Variants in NCOA1 observed in about 807,000 individuals in gnomAD.
NCOA1 encodes Hin-2 protein.
A neutral mutation model predicts 150.9 loss-of-function variants in NCOA1; 35 were observed. That is an observed-to-expected ratio of 0.23 (90% CI 0.18 to 0.31). NCOA1 has a LOEUF of 0.31. Among genes scored for constraint, NCOA1 ranks in the 10% least tolerant of loss-of-function variants. The pLI, the probability that NCOA1 is intolerant of heterozygous loss-of-function variation, is 1.00. For missense variants in NCOA1, 1,491 were observed against 1,749.3 expected (o/e 0.85, Z 2.63); for synonymous variants, 590 against 630.0 (o/e 0.94, Z 0.95).
intron 1 of NCOA1, among the ~76,000 whole-genome samples, chr2:24,552,581 G>A (rs1368502316): frequency 6.6e-6 from 1 of 151,162 alleles, no homozygotes; most frequent in African/African-American, 2.4e-5. Flanking sequence ...TAGCCAGGAT[G>A]GCCTTGATCT....
intron 13 of NCOA1, among the ~76,000 whole-genome samples, chr2:24,709,126 T>A (rs1372152774): frequency 1.3e-5 from 2 of 152,220 alleles, no homozygotes; most frequent in African/African-American, 4.8e-5. Context: ...AACTAATTTT[T>A]AAGCAGAAAA....
chr2:24,507,278 G>T (rs1572359575), intron 1 of NCOA1, among the ~76,000 whole-genome samples: 1 of 152,066 alleles, frequency 6.6e-6, no homozygotes, highest in Admixed American at 6.6e-5. Context: ...TAGTTGTTGT[G>T]TTACTTAACC....
At chr2:24,706,031 A>G (rs2148592076) in intron 12 of NCOA1, among the ~76,000 whole-genome samples, 1 of 152,244 alleles carries the variant, frequency 6.6e-6, no homozygotes, top group South Asian at 2.1e-4. Flanking sequence ...CTTTCAAAAC[A>G]TCTGCTATGT....
chr2:24,504,523 C>T (rs554608590), intron 1 of NCOA1, among the ~76,000 whole-genome samples: 3 of 152,242 alleles, frequency 2.0e-5, no homozygotes, highest in African/African-American at 7.2e-5. Context: ...AATTGGTAGA[C>T]CCTGCTTGGA....
intron 1 of NCOA1, among the ~76,000 whole-genome samples, chr2:24,520,404 G>A (rs1664370728): frequency 6.6e-6 from 1 of 152,168 alleles, no homozygotes; most frequent in Non-Finnish European, 1.5e-5. Flanking sequence ...AAATGGAATA[G>A]TACTCATCAA....
chr2:24,514,230 G>A (rs1393924164), intron 1 of NCOA1, among the ~76,000 whole-genome samples: 1 of 136,544 alleles, frequency 7.3e-6, no homozygotes, highest in Non-Finnish European at 1.5e-5. Context: ...AGGTTGCAGT[G>A]AGCTGAGATC....
chr2:24,586,883 A>G (rs1558815347), intron 3 of NCOA1, among the ~76,000 whole-genome samples: 1 of 152,124 alleles, frequency 6.6e-6, no homozygotes, highest in Non-Finnish European at 1.5e-5. Flanking sequence ...CACTAGTGGC[A>G]GGGGTTATTC....
chr2:24,651,161 A>G (rs893765349), intron 4 of NCOA1, among the ~76,000 whole-genome samples: 2 of 152,064 alleles, frequency 1.3e-5, no homozygotes, highest in Admixed American at 1.3e-4. Context: ...AAATTAACAT[A>G]TGACTCAGAA....
At chr2:24,632,913 TC>T (rs1294364115) in intron 3 of NCOA1, among the ~76,000 whole-genome samples, 1 of 152,130 alleles carries the variant, frequency 6.6e-6, no homozygotes, top group Non-Finnish European at 1.5e-5. Flanking sequence ...AATTGATAAG[TC>T]CCATGTATAT....
intron 17 of NCOA1, among the ~76,000 whole-genome samples, chr2:24,732,835 T>C (rs958798934): frequency 6.6e-6 from 1 of 152,106 alleles, no homozygotes; most frequent in South Asian, 2.1e-4. Flanking sequence ...GAAAAGGGAC[T>C]GTTTCTTTCC....
At chr2:24,664,496 G>A (rs55952101) in intron 5 of NCOA1, among the ~76,000 whole-genome samples, 2 of 152,100 alleles carry the variant, frequency 1.3e-5, no homozygotes, top group Non-Finnish European at 2.9e-5. Flanking sequence ...GGATCATGAG[G>A]TCGAGAGATC....
At chr2:24,639,916 GTATATATATATATATATATATATATATA>G (rs67632791) in intron 3 of NCOA1, among the ~76,000 whole-genome samples, 324 of 29,742 alleles carry the variant, frequency 0.011, 28 homozygotes, top group African/African-American at 0.018. Context: ...ATGTGTGTGT[GTATATATATATATATATATATATATATA>G]TATATATATA....
chr2:24,528,356 T>TC (rs1256675325), intron 1 of NCOA1, among the ~76,000 whole-genome samples: 5 of 150,948 alleles, frequency 3.3e-5, no homozygotes, highest in Admixed American at 3.3e-4. Flanking sequence ...TTTTTTTTTT[T>TC]TTTTTTCTGA....
chr2:24,607,526 A>G (rs182608439), intron 3 of NCOA1, among the ~76,000 whole-genome samples: 2 of 152,268 alleles, frequency 1.3e-5, no homozygotes, highest in Non-Finnish European at 1.5e-5. Context: ...CATCTCTACT[A>G]AAAATACAAA....
chr2:24,572,928 T>G (rs1326451049), intron 2 of NCOA1, among the ~76,000 whole-genome samples: 1 of 152,108 alleles, frequency 6.6e-6, no homozygotes, highest in Non-Finnish European at 1.5e-5. Flanking sequence ...ATAAAACATA[T>G]TTTTTTGAAT....
intron 1 of NCOA1, among the ~76,000 whole-genome samples, chr2:24,539,171 T>G (rs1665288065): frequency 6.6e-6 from 1 of 152,152 alleles, no homozygotes; most frequent in South Asian, 2.1e-4. Context: ...ACAAAATTGA[T>G]GAAGCTGGTC....
intron 3 of NCOA1, among the ~76,000 whole-genome samples, chr2:24,592,890 A>G (rs1434694189): frequency 6.6e-6 from 1 of 152,094 alleles, no homozygotes; most frequent in Admixed American, 6.6e-5. Flanking sequence ...TAATACTACC[A>G]TTCACCTGTC....
intron 21 of NCOA1, among the ~76,000 whole-genome samples, chr2:24,761,792 G>A (rs1664805457): frequency 6.6e-6 from 1 of 152,232 alleles, no homozygotes; most frequent in South Asian, 2.1e-4. Flanking sequence ...GACCAAAGCA[G>A]TATTTTTTCT....
At chr2:24,527,618 A>G (rs992330513) in intron 1 of NCOA1, among the ~76,000 whole-genome samples, 34 of 152,348 alleles carry the variant, frequency 2.2e-4, no homozygotes, top group Admixed American at 2.0e-3. Context: ...TAATGCTGCA[A>G]TGAACATGAG....
Sources: gnomAD v4.1 joint callset for allele counts (sites outside exome capture counted in the v4.1 genomes callset) on GRCh38, gnomAD v4.1.1 for gene constraint, MANE v1.5 for transcripts, NCBI Gene and HGNC (gene_info 2026-07-23, HGNC 2026-07-21) for gene names.